Variants in CSGALNACT1 observed in about 807,000 individuals in gnomAD.
The protein encoded by CSGALNACT1 is beta4GalNAcT-1.
In CSGALNACT1, 52 loss-of-function variants were observed where a neutral mutation model predicts 51.0. The observed-to-expected ratio is 1.02, with a 90% CI of 0.82 to 1.29. The LOEUF (loss-of-function observed/expected upper bound fraction) is 1.29, where lower values mean the gene tolerates loss of function less well. Among genes scored for constraint, CSGALNACT1 ranks in the 50% most tolerant of loss-of-function variants. The pLI, the probability that CSGALNACT1 is intolerant of heterozygous loss-of-function variation, is 0.00. For missense variants in CSGALNACT1, 935 were observed against 679.2 expected, an observed-to-expected ratio of 1.38 and a Z score of -4.19; for synonymous variants, 341 against 254.4, an observed-to-expected ratio of 1.34 and a Z score of -3.24.
chr8:19,482,535 C>T (rs572646842), intron 4 of CSGALNACT1, among the ~76,000 whole-genome samples: 1 of 152,174 alleles, frequency 6.6e-6, no homozygotes, highest in Non-Finnish European at 1.5e-5. Flanking sequence ...ATATTCGATG[C>T]TAATGCCCAC....
chr8:19,664,452 A>G (rs1056216136), intron 1 of CSGALNACT1, among the ~76,000 whole-genome samples: 2 of 152,202 alleles, frequency 1.3e-5, no homozygotes, highest in African/African-American at 2.4e-5. Flanking sequence ...CTAAAAATAC[A>G]ACTACCATTT....
intron 1 of CSGALNACT1, among the ~76,000 whole-genome samples, chr8:19,689,102 A>G (rs1441875467): frequency 1.3e-5 from 2 of 152,222 alleles, no homozygotes; most frequent in Non-Finnish European, 2.9e-5. Context: ...TCTCCTCTTA[A>G]TCCATCTCCT....
intron 3 of CSGALNACT1, among the ~76,000 whole-genome samples, chr8:19,589,893 A>C (rs1312164663): frequency 2.6e-5 from 4 of 152,236 alleles, no homozygotes; most frequent in Non-Finnish European, 4.4e-5. Context: ...TGTGAAAAAA[A>C]CCAAAAAGGT....
chr8:19,421,992 T>A (rs2058029280), intron 6 of CSGALNACT1, among the ~76,000 whole-genome samples: 1 of 152,166 alleles, frequency 6.6e-6, no homozygotes. Flanking sequence ...TGAATGAGTG[T>A]ATGAATGTAT....
chr8:19,732,404 G>C (rs558979046), intron 1 of CSGALNACT1: 1 of 152,152 alleles, frequency 6.6e-6, no homozygotes, highest in Non-Finnish European at 1.5e-5. Flanking sequence ...AGGATCAGTC[G>C]CTGTGTTCAA....
intron 5 of CSGALNACT1, among the ~76,000 whole-genome samples, chr8:19,445,661 C>T (rs779717032): frequency 6.6e-6 from 1 of 152,170 alleles, no homozygotes; most frequent in Non-Finnish European, 1.5e-5. Context: ...TTGAGTTCTC[C>T]ATGTACTGTG....
At position 19,555,156 on chromosome 8, in the gene CSGALNACT1, T is replaced by C. The variant is rs968559056; in HGVS notation, c.-297+36004A>G. Among the ~76,000 whole-genome samples the C allele has an allele frequency of 2.0e-5, 3 of 151,744 alleles. No homozygotes were observed. In the South Asian group the frequency reaches 6.3e-4, roughly 32 times the overall value. On this transcript the variant is annotated intron_variant, in intron 3 of 9. Transcript: ENST00000454498. ...CAGGAGGCTGAGGCAGGAAAATAGC[T>C]TGAACCCAGGAGGCAGAGTTTGAAA...
chr8:19,435,890 A>G (rs1221920503), intron 6 of CSGALNACT1, among the ~76,000 whole-genome samples: 1 of 152,178 alleles, frequency 6.6e-6, no homozygotes. Flanking sequence ...ACACACACAC[A>G]CACGCACACA....
At chr8:19,637,681 G>T (rs1358510170) in intron 1 of CSGALNACT1, among the ~76,000 whole-genome samples, 1 of 152,100 alleles carries the variant, frequency 6.6e-6, no homozygotes, top group African/African-American at 2.4e-5. Context: ...ATAAAACTGA[G>T]CCTAAGTTTT....
chr8:19,519,986 C>T (rs1336624846), intron 3 of CSGALNACT1, among the ~76,000 whole-genome samples: 1 of 152,194 alleles, frequency 6.6e-6, no homozygotes, highest in Admixed American at 6.5e-5. Context: ...GTGGCAATGC[C>T]GGCACCCACT....
At chr8:19,630,248 G>A (rs1448220444) in intron 1 of CSGALNACT1, among the ~76,000 whole-genome samples, 2 of 145,568 alleles carry the variant, frequency 1.4e-5, no homozygotes, top group Non-Finnish European at 3.0e-5. Context: ...GTGTGTATGT[G>A]TGTGTGTTCT....
At chr8:19,609,145 A>C (rs904913252) in intron 1 of CSGALNACT1, among the ~76,000 whole-genome samples, 1 of 151,820 alleles carries the variant, frequency 6.6e-6, no homozygotes, top group Admixed American at 6.6e-5. Flanking sequence ...AATTTATTCA[A>C]TCAATCCATT....
At chr8:19,428,345 G>A (rs575284436) in intron 6 of CSGALNACT1, among the ~76,000 whole-genome samples, 3 of 152,282 alleles carry the variant, frequency 2.0e-5, no homozygotes, top group Admixed American at 2.0e-4. Context: ...ATGGCGGAAG[G>A]CAGAAGAGGA....
intron 1 of CSGALNACT1, among the ~76,000 whole-genome samples, chr8:19,744,734 G>A (rs1450071881): frequency 1.3e-5 from 2 of 152,188 alleles, no homozygotes; most frequent in Non-Finnish European, 2.9e-5. Flanking sequence ...CAAATATGGG[G>A]ATCCTTGAAT....
chr8:19,497,277 C>A (rs534068477), intron 4 of CSGALNACT1, among the ~76,000 whole-genome samples: 1 of 152,104 alleles, frequency 6.6e-6, no homozygotes, highest in Non-Finnish European at 1.5e-5. Flanking sequence ...AGTACAGAGA[C>A]CTTCTCTGAA....
chr8:19,530,994 G>C (rs375299351), intron 3 of CSGALNACT1, among the ~76,000 whole-genome samples: 3 of 152,312 alleles, frequency 2.0e-5, no homozygotes, highest in African/African-American at 7.2e-5. Flanking sequence ...AGTATCAGCT[G>C]ATCTTCAAGC....
chr8:19,579,108 A>C (rs534941183), intron 3 of CSGALNACT1, among the ~76,000 whole-genome samples: 3 of 152,322 alleles, frequency 2.0e-5, no homozygotes, highest in Non-Finnish European at 2.9e-5. Context: ...CCAGAGTGAT[A>C]ACTTTCAACC....
chr8:19,462,345 A>AG lies in CSGALNACT1; in HGVS notation c.635-3704_635-3703insC, dbSNP rs1554581752. 3.3e-5 allele frequency among the ~76,000 whole-genome samples: 5 copies of AG among 151,764 alleles called. No individual in the cohort carries two copies. In the East Asian group the frequency reaches 7.7e-4, roughly 23 times the overall value. The stretch of plus-strand genomic sequence containing the variant: ...AAAAATGTATGCAGGCAGAGGAATG[A>AG]TTTTTTTTTCCCAATGAAGTCATTT... On this transcript the variant is annotated intron_variant, in intron 4 of 9. Coordinates refer to ENST00000454498, the Ensembl canonical transcript of CSGALNACT1.
chr8:19,717,703 C>G (rs992212580), intron 1 of CSGALNACT1, among the ~76,000 whole-genome samples: 1 of 152,188 alleles, frequency 6.6e-6, no homozygotes, highest in South Asian at 2.1e-4. Context: ...AGTTTAACAA[C>G]CCCAGCTTGG....
Sources: allele counts gnomAD v4.1 joint callset (sites outside exome capture counted in the v4.1 genomes callset), GRCh38; gene constraint gnomAD v4.1.1; transcripts MANE v1.5; gene names NCBI Gene and HGNC (gene_info 2026-07-23, HGNC 2026-07-21).